SLC9A8: variants seen among roughly 807,000 people sequenced by gnomAD.
SLC9A8 encodes the protein sodium/hydrogen exchanger 8.
SLC9A8 carries 48 observed loss-of-function variants against 66.6 expected under a neutral mutation model. That is an observed-to-expected ratio of 0.72 (90% CI 0.57 to 0.92). SLC9A8 has a LOEUF of 0.92. SLC9A8 is among the 40% of genes least tolerant of loss of function. The pLI, the probability that SLC9A8 is intolerant of heterozygous loss-of-function variation, is 0.00. For synonymous variants in SLC9A8, 274 were observed against 282.6 expected, an observed-to-expected ratio of 0.97 and a Z score of 0.31; for missense variants, 599 against 747.3, an observed-to-expected ratio of 0.80 and a Z score of 2.31.
chr20:49,839,500 A>G (rs2087676402), intron 3 of SLC9A8, 41 bp from the exon 4 acceptor site: 4 of 1,318,894 alleles, frequency 3.0e-6, no homozygotes, highest in Non-Finnish European at 4.3e-6. Context: ...AATCTTTCTC[A>G]TATCTTAAAT....
At position 49,841,885 on chromosome 20, in the gene SLC9A8, G is replaced by T. The variant is rs138856466; in HGVS notation, c.348+2286G>T. ...GCTGGGAGTACAGGTGTGAGCCACT[G>T]CGCCTGGGTGTGGCTAATTTTTAAA... On this transcript the variant is annotated intron_variant, in intron 4 of 15. Transcript: ENST00000361573. Among the ~76,000 whole-genome samples, 18 of 151,650 alleles carry T rather than the reference G, an allele frequency of 1.2e-4. No individual in the cohort carries two copies. The East Asian group carries it at 3.3e-3, about 28-fold the overall frequency.
chr20:49,823,350 G>T (rs1206166712), intron 3 of SLC9A8, among the ~76,000 whole-genome samples: 1 of 152,168 alleles, frequency 6.6e-6, no homozygotes, highest in African/African-American at 2.4e-5. Context: ...TAAAGGTCAT[G>T]TAGAAGCCCA....
chr20:49,830,972 G>A, intron 3 of SLC9A8: 1 of 768,002 alleles, frequency 1.3e-6, no homozygotes, highest in Non-Finnish European at 2.4e-6. Context: ...GCTGGGCAAT[G>A]CGGTCAACTC....
rs1436001717 is a variant in SLC9A8, at chr20:49,889,475, C to T, written c.*1539C>T. 2 of 152,318 alleles carry T rather than the reference C, an allele frequency of 1.3e-5. No individual in the cohort carries two copies. Among genetic ancestry groups the T allele is most frequent in the Non-Finnish European group, 2.9e-5 (2 of 68,142 alleles). 9.4% of individuals were successfully genotyped at this position (152,318 alleles called of 1,614,324 possible). On this transcript the variant is annotated 3_prime_UTR_variant, in exon 16 of 16. Coordinates refer to ENST00000361573, the MANE Select transcript of SLC9A8 (RefSeq NM_015266.3). ...GTGTGGCTCCAGATGTCAGGAGGGACTGACCTCAGGACCTTCCAGGTTCCT... is the reference window on the plus strand; with the variant it reads ...GTGTGGCTCCAGATGTCAGGAGGGATTGACCTCAGGACCTTCCAGGTTCCT...
intron 2 of SLC9A8, among the ~76,000 whole-genome samples, chr20:49,816,287 G>A (rs937068259): frequency 5.9e-5 from 9 of 152,004 alleles, no homozygotes; most frequent in Non-Finnish European, 1.3e-4. Context: ...GGGCGTGGTG[G>A]TATGTGCCTG....
chr20:49,813,936 T>C (rs1600609117), intron 1 of SLC9A8, among the ~76,000 whole-genome samples: 1 of 152,308 alleles, frequency 6.6e-6, no homozygotes, highest in South Asian at 2.1e-4. Flanking sequence ...AAAAGTCATC[T>C]CCATACCTGC....
chr20:49,864,120 CT>C (rs1481449923), intron 9 of SLC9A8, among the ~76,000 whole-genome samples: 2 of 152,042 alleles, frequency 1.3e-5, no homozygotes, highest in East Asian at 3.9e-4. Context: ...CAAATGGGTA[CT>C]GTGAGCTCCA....
intron 7 of SLC9A8, among the ~76,000 whole-genome samples, chr20:49,854,979 T>C (rs1181814150): frequency 1.3e-5 from 2 of 152,232 alleles, no homozygotes; most frequent in Non-Finnish European, 2.9e-5. Flanking sequence ...CTGGGGTTGC[T>C]GCTGCTTTTT....
At chr20:49,830,923 A>G in intron 3 of SLC9A8, 2 of 862,010 alleles carry the variant, frequency 2.3e-6, no homozygotes, top group Non-Finnish European at 4.0e-6. Context: ...CCTGATTTCT[A>G]CTGAAATACA....
chr20:49,823,037 A>G (rs1429185645), intron 2 of SLC9A8, 24 bp from the exon 3 acceptor site: 2 of 1,581,942 alleles, frequency 1.3e-6, no homozygotes, highest in Admixed American at 3.4e-5. Flanking sequence ...TTTTTAAAAC[A>G]TTGTATTATT....
rs760837347 is a variant in SLC9A8 at position 49,823,167 on chromosome 20, A to G, written c.289+26A>G. 13 of 1,560,350 alleles carry G rather than the reference A, an allele frequency of 8.3e-6. No homozygotes were observed. The South Asian group carries it at 1.4e-4, about 16-fold the overall frequency. ...GTAAGTGTGTATTGGTGATTCCATA[A>G]TAAAAGCAGTAACAATAACTACCAT... On this transcript the variant is annotated intron_variant, in intron 3 of 15. Coordinates refer to ENST00000361573, the MANE Select transcript of SLC9A8 (RefSeq NM_015266.3).
intron 8 of SLC9A8, among the ~76,000 whole-genome samples, chr20:49,860,501 G>C (rs1479998102): frequency 6.6e-6 from 1 of 152,066 alleles, no homozygotes; most frequent in Non-Finnish European, 1.5e-5. Flanking sequence ...TGGATCACTT[G>C]AGGGTAAGAG....
In SLC9A8 at chr20:49,863,032, G is replaced by A; in HGVS notation, c.817G>A (p.Ala273Thr). ...CCTCAAAATGTTCTTTGGCTCTGCA[G>A]CGCTCGGCACTCTCACTGGCTTAAT... ...YFLKMFFGSAALGTLTGLISA... is the reference protein window; with the variant it reads ...YFLKMFFGSATLGTLTGLISA... The change falls in exon 9 of 16, where the codon GCG becomes ACG. Residue 273 changes from alanine (A) to threonine (T), a missense_variant. Around this residue, in one of 2 missense-constraint regions of SLC9A8, gnomAD observed 467 missense variants for 626.5 expected, o/e 0.75. Transcript: ENST00000361573. 6.2e-7 allele frequency: 1 copy of A among 1,613,926 alleles called. No individual in the cohort carries two copies. Among genetic ancestry groups the A allele is most frequent in the South Asian group, 1.1e-5 (1 of 91,022 alleles).
At chr20:49,821,214 GA>G (rs2086727626) in intron 2 of SLC9A8, among the ~76,000 whole-genome samples, 1 of 152,128 alleles carries the variant, frequency 6.6e-6, no homozygotes, top group African/African-American at 2.4e-5. Context: ...ATCTATTTAT[GA>G]GAATAACTTA....
In SLC9A8 at chr20:49,878,117, A is replaced by G; in HGVS notation, c.1158+54A>G. On this transcript the variant is annotated intron_variant, in intron 12 of 15. Coordinates refer to ENST00000361573, the MANE Select transcript of SLC9A8 (RefSeq NM_015266.3). ...TTAATTACTTATTTGTAGATCAATAAACACATGTTCCGGATTCATTTATGT... is the reference window on the plus strand; with the variant it reads ...TTAATTACTTATTTGTAGATCAATAGACACATGTTCCGGATTCATTTATGT... 3 of 1,070,470 alleles carry G rather than the reference A, an allele frequency of 2.8e-6. No homozygotes were observed. In the South Asian group the frequency reaches 4.6e-5, roughly 16 times the overall value. The allele number at this position is 1,070,470 out of a possible 1,614,324, so 66.3% of individuals were successfully genotyped here.
chr20:49,835,587 A>G (rs771838378), intron 3 of SLC9A8, among the ~76,000 whole-genome samples: 1 of 150,688 alleles, frequency 6.6e-6, no homozygotes, highest in Admixed American at 6.6e-5. Flanking sequence ...TGTCCTGGAC[A>G]TTTCGTATAA....
In SLC9A8 at chr20:49,815,306, T is replaced by C. The variant is rs1422079473; in HGVS notation, c.208+117T>C. 1.0e-5 allele frequency: 8 copies of C among 763,916 alleles called. No individual in the cohort carries two copies. In the East Asian group the frequency reaches 2.4e-4, roughly 23 times the overall value. The allele number at this position is 763,916 out of a possible 1,614,324, so 47.3% of individuals were successfully genotyped here. A position where few individuals can be genotyped will look rare whatever the true frequency, so the allele number is the denominator to read the frequency against. On this transcript the variant is annotated intron_variant, in intron 2 of 15. Coordinates refer to ENST00000361573, the MANE Select transcript of SLC9A8 (RefSeq NM_015266.3). ...AAGTCTTCCTCCCATTTGGTTTTCATATCAAACACTGAGGGAACATGATCA... is the reference window on the plus strand; with the variant it reads ...AAGTCTTCCTCCCATTTGGTTTTCACATCAAACACTGAGGGAACATGATCA...
chr20:49,848,713 C>T (rs1384811048), intron 5 of SLC9A8, among the ~76,000 whole-genome samples: 1 of 152,122 alleles, frequency 6.6e-6, no homozygotes, highest in Non-Finnish European at 1.5e-5. Context: ...TTTTATCTGA[C>T]ATAGTTAATG....
intron 3 of SLC9A8, among the ~76,000 whole-genome samples, chr20:49,835,254 A>G (rs2087483440): frequency 6.6e-6 from 1 of 151,982 alleles, no homozygotes; most frequent in African/African-American, 2.4e-5. Context: ...TGGCATGTAC[A>G]AGCATGTTCA....
Sources: allele counts gnomAD v4.1 joint callset (sites outside exome capture counted in the v4.1 genomes callset), GRCh38; gene constraint gnomAD v4.1.1; regional missense constraint gnomAD v4.1.1; transcripts MANE v1.5; gene names NCBI Gene and HGNC (gene_info 2026-07-23, HGNC 2026-07-21).